The following TMEM181 variants were observed in gnomAD, a reference collection of about 807,000 sequenced individuals.
TMEM181 encodes the protein G protein-coupled receptor 178.
TMEM181 carries 39 observed loss-of-function variants against 71.9 expected under a neutral mutation model. That is an observed-to-expected ratio of 0.54 (90% confidence interval 0.42 to 0.71). The LOEUF is 0.71. Ranked by LOEUF, TMEM181 falls within the 30% of genes least tolerant of loss-of-function variation. The pLI, the probability that TMEM181 is intolerant of heterozygous loss-of-function variation, is 0.00. For synonymous variants in TMEM181, 245 were observed against 228.8 expected, an observed-to-expected ratio of 1.07 and a Z score of -0.64; for missense variants, 595 against 583.0, an observed-to-expected ratio of 1.02 and a Z score of -0.21.
At chr6:158,559,571 C>T (rs1018385793), upstream of TMEM181, among the ~76,000 whole-genome samples, 1 of 152,176 alleles carries the variant, frequency 6.6e-6, no homozygotes, top group African/African-American at 2.4e-5. Flanking sequence ...TGCTTTTGGT[C>T]CACTGGTCTA....
intron 13 of TMEM181, among the ~76,000 whole-genome samples, chr6:158,626,866 C>T (rs961323476): frequency 6.8e-6 from 1 of 146,026 alleles, no homozygotes; most frequent in African/African-American, 2.5e-5. Context: ...ATCCTCACAC[C>T]CTCACTCTCA....
intron 1 of TMEM181, among the ~76,000 whole-genome samples, chr6:158,564,183 C>T (rs1190258271): frequency 6.6e-6 from 1 of 152,168 alleles, no homozygotes; most frequent in South Asian, 2.1e-4. Context: ...TTTTCAAAAC[C>T]CATTAGCTGG....
rs1786468079 is a variant in TMEM181 at position 158,628,492 on chromosome 6, T to C, written c.1192+2T>C. 1 of 1,613,850 alleles carries C rather than the reference T, an allele frequency of 6.2e-7. No homozygotes were observed. The highest frequency in any genetic ancestry group is 8.5e-7 in the Non-Finnish European group (1 of 1,179,886). ...AGCTGTCAACTCACTACCAGAATTA[T>C]ATCCTTTTCACTGGAGGGCCCTGGC... On this transcript the variant is annotated splice_donor_variant, in intron 14 of 16. Transcript: ENST00000684151. LOFTEE classifies it high-confidence loss of function.
Position 158,607,255 on chromosome 6 carries a change from G to T in TMEM181, c.585G>T (p.Ala195=), listed in dbSNP as rs771512658. 1.2e-6 allele frequency: 2 copies of T among 1,614,026 alleles called. No homozygotes were observed. The highest frequency in any genetic ancestry group is 2.2e-5 in the South Asian group (2 of 91,084). The change falls in exon 8 of 17, where the codon GCG becomes GCT. Residue 195 remains alanine (A), a synonymous_variant. Coordinates refer to ENST00000684151, the MANE Select transcript of TMEM181 (RefSeq NM_001376852.1). ...GATTTGGTTTGCAGTGCCTGTTTGCGCATTCCCTCCGGAAATTTTCCATGA... is the reference window on the plus strand; with the variant it reads ...GATTTGGTTTGCAGTGCCTGTTTGCTCATTCCCTCCGGAAATTTTCCATGA... The part of the protein sequence containing the change: ...VLTFIVTCLF[A]HSLRKFSMRD...
In TMEM181 at chr6:158,611,547, G is replaced by A. The variant is rs561877749; in HGVS notation, c.896+2797G>A. The A allele has an allele frequency of 2.8e-5, 12 of 436,002 alleles. No homozygotes were observed. In the Admixed American group the frequency reaches 3.5e-4, roughly 13 times the overall value. 27.0% of individuals were successfully genotyped at this position (436,002 alleles called of 1,614,324 possible). A position where few individuals can be genotyped will look rare whatever the true frequency, so the allele number is the denominator to read the frequency against. ...GTTACGAGAACTATCTTTGGAATCAGCCTTAAAGCTGCAGGCTTCCTTTTC... is the reference window on the plus strand; with the variant it reads ...GTTACGAGAACTATCTTTGGAATCAACCTTAAAGCTGCAGGCTTCCTTTTC... On this transcript the variant is annotated intron_variant, in intron 10 of 16. Coordinates refer to ENST00000684151, the MANE Select transcript of TMEM181 (RefSeq NM_001376852.1).
chr6:158,564,979 T>C (rs987905919), intron 1 of TMEM181, among the ~76,000 whole-genome samples: 3 of 152,190 alleles, frequency 2.0e-5, no homozygotes, highest in African/African-American at 7.2e-5. Context: ...CCAGAAGTTC[T>C]CGGTCTTACC....
chr6:158,635,142 G>C lies in TMEM181; in HGVS notation c.*3254G>C, dbSNP rs1444061582. 4 of 152,160 alleles carry C rather than the reference G, an allele frequency of 2.6e-5. No homozygotes were observed. The highest frequency in any genetic ancestry group is 3.2e-3 in the Middle Eastern group (1 of 316). The allele number at this position is 152,160 out of a possible 1,614,324, so 9.4% of individuals were successfully genotyped here. The stretch of plus-strand genomic sequence containing the variant: ...TGACATTGGAGATACGCTAGTAACT[G>C]TGATACCATACTATAAAACAGAAGA... On this transcript the variant is annotated 3_prime_UTR_variant, in exon 17 of 17. Coordinates refer to ENST00000684151, the MANE Select transcript of TMEM181 (RefSeq NM_001376852.1).
intron 15 of TMEM181, among the ~76,000 whole-genome samples, chr6:158,630,456 C>T (rs982343812): frequency 2.0e-5 from 3 of 152,006 alleles, no homozygotes; most frequent in African/African-American, 7.3e-5. Context: ...GACACCACTA[C>T]ACTCCAACCT....
At chr6:158,608,847 C>T (rs954944186) in intron 10 of TMEM181, 97 bp downstream of exon 10, 1 of 1,154,316 alleles carries the variant, frequency 8.7e-7, no homozygotes, top group South Asian at 1.4e-5. Flanking sequence ...CCTGTAATCC[C>T]AGCACTTTGA....
At chr6:158,576,221 A>G (rs1783146262) in intron 2 of TMEM181, among the ~76,000 whole-genome samples, 1 of 152,210 alleles carries the variant, frequency 6.6e-6, no homozygotes, top group Non-Finnish European at 1.5e-5. Flanking sequence ...GCACAGTAGC[A>G]GGTACCCATC....
intron 5 of TMEM181, among the ~76,000 whole-genome samples, chr6:158,587,093 G>A (rs1783816662): frequency 6.6e-6 from 1 of 152,164 alleles, no homozygotes; most frequent in Admixed American, 6.5e-5. Context: ...ATTAGTCAGG[G>A]GTTGCTTATT....
intron 7 of TMEM181, among the ~76,000 whole-genome samples, chr6:158,605,917 G>T (rs1310799159): frequency 1.3e-5 from 2 of 152,172 alleles, no homozygotes; most frequent in African/African-American, 2.4e-5. Context: ...TAAATTGGAG[G>T]AAGGGAAAGT....
chr6:158,556,273 A>G (rs1267237700), upstream of TMEM181, among the ~76,000 whole-genome samples: 1 of 152,264 alleles, frequency 6.6e-6, no homozygotes, highest in Non-Finnish European at 1.5e-5. Context: ...CTGTGCCAGC[A>G]GAGTTCAGAG....
intron 1 of TMEM181, among the ~76,000 whole-genome samples, chr6:158,568,247 A>G (rs1207945815): frequency 1.3e-5 from 2 of 151,576 alleles, no homozygotes; most frequent in Non-Finnish European, 2.9e-5. Flanking sequence ...CAGTAATGTT[A>G]TTTTGTTTTT....
chr6:158,589,501 C>A, intron 5 of TMEM181, 171 bp from the exon 6 acceptor site: 1 of 586,146 alleles, frequency 1.7e-6, no homozygotes. Flanking sequence ...TTGGTTCATT[C>A]TTTCTAGGAA....
At chr6:158,600,912 C>T (rs1274695995) in intron 6 of TMEM181, among the ~76,000 whole-genome samples, 1 of 152,180 alleles carries the variant, frequency 6.6e-6, no homozygotes, top group Non-Finnish European at 1.5e-5. Context: ...AAAACAACCA[C>T]CCAGCCTTTC....
At chr6:158,547,658 A>G (rs1781570666) in intron 1 of TMEM181, among the ~76,000 whole-genome samples, 1 of 151,898 alleles carries the variant, frequency 6.6e-6, no homozygotes, top group Non-Finnish European at 1.5e-5. Flanking sequence ...AGACTTTGTA[A>G]CAACGATTCC....
chr6:158,596,203 G>A (rs1250235410), intron 6 of TMEM181, among the ~76,000 whole-genome samples: 1 of 152,214 alleles, frequency 6.6e-6, no homozygotes, highest in Non-Finnish European at 1.5e-5. Flanking sequence ...ACCAGTGTGA[G>A]CCACTGCGCC....
chr6:158,618,461 G>C (rs1357955971), intron 10 of TMEM181, among the ~76,000 whole-genome samples: 5 of 152,182 alleles, frequency 3.3e-5, no homozygotes, highest in African/African-American at 1.2e-4. Context: ...GCCAGTCTGT[G>C]TCTTTTAATT....
Sources: allele counts gnomAD v4.1 joint callset (sites outside exome capture counted in the v4.1 genomes callset), GRCh38; gene constraint gnomAD v4.1.1; transcripts MANE v1.5; gene names NCBI Gene and HGNC (gene_info 2026-07-23, HGNC 2026-07-21).